Variants in HLTF observed in about 807,000 individuals in gnomAD.
HLTF encodes helicase like transcription factor.
Under a neutral mutation model 129.4 loss-of-function variants are expected in HLTF, and 127 were observed. The observed-to-expected ratio is 0.98, with a 90% confidence interval of 0.85 to 1.14. HLTF has a LOEUF of 1.14. HLTF is among the 50% of genes most tolerant of loss of function. HLTF has a pLI of 0.00. For missense variants in HLTF, 1,139 were observed against 1,187.1 expected, an observed-to-expected ratio of 0.96 and a Z score of 0.60; for synonymous variants, 332 against 388.8, an observed-to-expected ratio of 0.85 and a Z score of 1.72.
chr3:149,082,431 C>A (rs1399869426), intron 2 of HLTF, among the ~76,000 whole-genome samples: 1 of 152,052 alleles, frequency 6.6e-6, no homozygotes, highest in African/African-American at 2.4e-5. Context: ...TGCGCTCCAG[C>A]CTGAGAAACA....
chr3:149,034,705 G>A (rs1351382281), intron 24 of HLTF, among the ~76,000 whole-genome samples: 1 of 152,132 alleles, frequency 6.6e-6, no homozygotes, highest in Admixed American at 6.5e-5. Flanking sequence ...TTAAAAGAAT[G>A]TTTTTAAGGA....
rs547442134 is a variant in HLTF at position 149,063,523 on chromosome 3, G to A, written c.1068C>T (p.Asp356=). Residue 356 remains aspartate, a splice_region_variant and synonymous_variant, in exon 10 of 25, where the codon GAC becomes GAT. Coordinates refer to ENST00000310053, the MANE Select transcript of HLTF (RefSeq NM_003071.4). The stretch of plus-strand genomic sequence containing the variant: ...TGGGTTGTTCACTACATCTAGATGC[G>A]TCTATTTCAAAGAAAAATGCAAATA... ...TSEKADGLSK[D]ASRCSEQPSI... is the part of the protein sequence containing the mutation. 356 of 1,576,100 alleles carry A rather than the reference G, an allele frequency of 2.3e-4. 5 individuals carry two copies. The South Asian group carries it at 3.4e-3, about 15-fold the overall frequency.
intron 2 of HLTF, among the ~76,000 whole-genome samples, chr3:149,080,328 T>C (rs973060942): frequency 3.9e-5 from 6 of 152,156 alleles, no homozygotes; most frequent in Non-Finnish European, 7.3e-5. Flanking sequence ...CACTTTAAAA[T>C]GGTAAATTTT....
chr3:149,068,152 T>G, intron 8 of HLTF, 88 bp downstream of exon 8: 1 of 601,094 alleles, frequency 1.7e-6, no homozygotes. Context: ...GAAAACACAA[T>G]TTCTTGGTAG....
At chr3:149,048,515 T>G (rs1322010611) in intron 16 of HLTF, among the ~76,000 whole-genome samples, 2 of 152,176 alleles carry the variant, frequency 1.3e-5, no homozygotes, top group Non-Finnish European at 2.9e-5. Context: ...TTTCCTTACC[T>G]TCTAGTAAAG....
chr3:149,050,779 C>T (rs935625688), intron 14 of HLTF, among the ~76,000 whole-genome samples: 1 of 152,196 alleles, frequency 6.6e-6, no homozygotes. Context: ...GATTCAAGCA[C>T]TGTAGCCACT....
chr3:149,065,517 C>T (rs1443995995), intron 8 of HLTF, among the ~76,000 whole-genome samples: 1 of 152,172 alleles, frequency 6.6e-6, no homozygotes, highest in Non-Finnish European at 1.5e-5. Flanking sequence ...TGAAAAGGTT[C>T]ATCCTCTTTA....
intron 15 of HLTF, 44 bp downstream of exon 15, chr3:149,050,188 A>T: frequency 7.6e-7 from 1 of 1,309,288 alleles, no homozygotes; most frequent in Non-Finnish European, 1.0e-6. Context: ...CATATTTCTT[A>T]CATTCAATCT....
At chr3:149,055,906 TCTCATA>T (rs1717391808) in intron 13 of HLTF, among the ~76,000 whole-genome samples, 1 of 152,222 alleles carries the variant, frequency 6.6e-6, no homozygotes, top group Admixed American at 6.5e-5. Flanking sequence ...GCAAGCTCAC[TCTCATA>T]CTCATTCTCT....
intron 14 of HLTF, among the ~76,000 whole-genome samples, chr3:149,052,939 ATATG>A (rs1717118935): frequency 6.6e-6 from 1 of 152,196 alleles, no homozygotes; most frequent in Non-Finnish European, 1.5e-5. Flanking sequence ...GCTCTACTGT[ATATG>A]TATGTATGTA....
In HLTF at chr3:149,086,470, G is replaced by T. The variant is rs533866025; in HGVS notation, c.-134C>A. 5.0e-6 allele frequency: 5 copies of T among 1,001,440 alleles called. No homozygotes were observed. The highest frequency in any genetic ancestry group is 2.6e-5 in the East Asian group (1 of 38,354). 62.0% of individuals were successfully genotyped at this position (1,001,440 alleles called of 1,614,324 possible). A position where few individuals can be genotyped will look rare whatever the true frequency, so the allele number is the denominator to read the frequency against. ...TCCGAGCGCCGGATCAGGAGCGCAC[G>T]ACTGAAAGGTAAGTCGCCGCGAGTC... On this transcript the variant is annotated 5_prime_UTR_variant, in exon 1 of 25. Coordinates refer to ENST00000310053, the MANE Select transcript of HLTF (RefSeq NM_003071.4).
chr3:149,072,685 G>GT (rs1718977909), intron 5 of HLTF, among the ~76,000 whole-genome samples: 3 of 152,078 alleles, frequency 2.0e-5, no homozygotes, highest in African/African-American at 7.2e-5. Context: ...GGTAAATATG[G>GT]TAACTACAAT....
rs201554369 is a variant in HLTF at position 149,077,247 on chromosome 3, A to AAAATAAATAAAT, written c.229-1212_229-1201dup. ...TGGTGACAGAGCGAGACTTCATCTCAAAATAAATAAATAAATAAATAAATA... is the reference window on the plus strand; with the variant it reads ...TGGTGACAGAGCGAGACTTCATCTCAAAATAAATAAATAAATAAATAAATAAATAAATAAATA... On this transcript the variant is annotated intron_variant, in intron 2 of 24. Coordinates refer to ENST00000310053, the MANE Select transcript of HLTF (RefSeq NM_003071.4). 1.0e-3 allele frequency among the ~76,000 whole-genome samples: 148 copies of AAAATAAATAAAT among 144,150 alleles called. 1 individual carries two copies. Among genetic ancestry groups the AAAATAAATAAAT allele is most frequent in the African/African-American group, 3.5e-3 (135 of 38,194 alleles). 94.6% of individuals were successfully genotyped at this position (144,150 alleles called of 152,430 possible). A position where few individuals can be genotyped will look rare whatever the true frequency, so the allele number is the denominator to read the frequency against.
chr3:149,039,968 T>C lies in HLTF; in HGVS notation c.2502+63A>G. On this transcript the variant is annotated intron_variant, in intron 21 of 24. Coordinates refer to ENST00000310053, the MANE Select transcript of HLTF (RefSeq NM_003071.4). ...AAGCAGAATTACGATTTTGATATAC[T>C]GTGTATATTTCCTTATATAAAGGTA... The C allele has an allele frequency of 1.5e-6, 2 of 1,362,226 alleles. No individual in the cohort carries two copies. The highest frequency in any genetic ancestry group is 2.0e-6 in the Non-Finnish European group (2 of 985,322). 84.4% of individuals were successfully genotyped at this position (1,362,226 alleles called of 1,614,324 possible).
In HLTF at chr3:149,039,037, A is replaced by G. The variant is rs755743345; in HGVS notation, c.2796+12T>C. The G allele has an allele frequency of 4.7e-5, 69 of 1,465,088 alleles. No homozygotes were observed. Among genetic ancestry groups the G allele is most frequent in the Non-Finnish European group, 6.2e-5 (68 of 1,101,004 alleles). 90.8% of individuals were successfully genotyped at this position (1,465,088 alleles called of 1,614,324 possible). ...GTACTAAGATTCTGAAAAAATTTAC[A>G]GAACTACTTACTGGATCCATTAAAA... On this transcript the variant is annotated intron_variant, in intron 23 of 24. Transcript: ENST00000310053.
At position 149,084,765 on chromosome 3, in the gene HLTF, G is replaced by T; in HGVS notation, c.145C>A (p.Leu49Ile). Residue 49 changes from leucine (L) to isoleucine (I), a missense_variant, in exon 2 of 25, where the codon CTA becomes ATA. By Grantham distance (5) the Leu-to-Ile change is conservative. Coordinates refer to ENST00000310053, the MANE Select transcript of HLTF (RefSeq NM_003071.4). Reference sequence around the variant, plus strand: ...GAATCTACTTCTTCATCACTAGTTAGAAAGTCATCTGGAGGGATAACATCT... The same window carrying T: ...GAATCTACTTCTTCATCACTAGTTATAAAGTCATCTGGAGGGATAACATCT... ...FQDVIPPDDFLTSDEEVDSVL... is the reference protein window; with the variant it reads ...FQDVIPPDDFITSDEEVDSVL... 1 of 1,614,048 alleles carries T rather than the reference G, an allele frequency of 6.2e-7. No homozygotes were observed. The highest frequency in any genetic ancestry group is 1.1e-5 in the South Asian group (1 of 91,076).
intron 24 of HLTF, 149 bp downstream of exon 24, chr3:149,034,769 A>G (rs1488909303): frequency 1.1e-5 from 7 of 617,060 alleles, no homozygotes; most frequent in African/African-American, 1.8e-5. Context: ...TAAACAGCAT[A>G]TATTAAATTA....
chr3:149,036,818 TTA>T (rs1372589623), intron 23 of HLTF, among the ~76,000 whole-genome samples: 2 of 152,164 alleles, frequency 1.3e-5, no homozygotes, highest in Non-Finnish European at 1.5e-5. Context: ...TATTGAATCA[TTA>T]TGTTTCTCGG....
At chr3:149,062,137 A>G (rs1718005865) in intron 10 of HLTF, among the ~76,000 whole-genome samples, 1 of 152,230 alleles carries the variant, frequency 6.6e-6, no homozygotes, top group Non-Finnish European at 1.5e-5. Context: ...TAAAAATATA[A>G]TCCTCATAGA....
Sources: allele counts gnomAD v4.1 joint callset (sites outside exome capture counted in the v4.1 genomes callset), GRCh38; gene constraint gnomAD v4.1.1; transcripts MANE v1.5; gene names NCBI Gene and HGNC (gene_info 2026-07-23, HGNC 2026-07-21).